Variants in APBA2 observed in about 807,000 individuals in gnomAD.
APBA2 encodes the protein amyloid beta precursor protein binding family A member 2.
A neutral mutation model predicts 75.0 loss-of-function variants in APBA2; 30 were observed. That is an observed-to-expected ratio of 0.40 (90% CI 0.30 to 0.54). APBA2 has a LOEUF of 0.54. APBA2 is among the 20% of genes least tolerant of loss of function. The pLI, the probability that APBA2 is intolerant of heterozygous loss-of-function variation, is 0.49. For missense variants in APBA2, 801 were observed against 1,016.1 expected, an observed-to-expected ratio of 0.79 and a Z score of 2.88; for synonymous variants, 444 against 409.6, an observed-to-expected ratio of 1.08 and a Z score of -1.01.
At chr15:29,101,838 G>A (rs749989991) in intron 10 of APBA2, 54 bp downstream of exon 10, 2 of 1,579,152 alleles carry the variant, frequency 1.3e-6, no homozygotes, top group Admixed American at 3.6e-5. Context: ...GCCCAGGGCG[G>A]CTCCAGGATC....
At position 28,899,802 on chromosome 15, in the gene APBA2, C is replaced by T. The variant is rs1031469347; in HGVS notation, c.-205+13524C>T. Among the ~76,000 whole-genome samples the T allele has an allele frequency of 3.9e-5, 6 of 151,964 alleles. No individual in the cohort carries two copies. The South Asian group carries it at 6.2e-4, about 16-fold the overall frequency. ...TCGTGGTCGCCTCTGTGTGTTGGAT[C>T]GGATAATAAAGTGAGGAATGTCTTT... On this transcript the variant is annotated intron_variant, in intron 1 of 14. Coordinates refer to ENST00000683413, the MANE Select transcript of APBA2 (RefSeq NM_001353788.2).
intron 2 of APBA2, among the ~76,000 whole-genome samples, chr15:28,964,488 ATTTT>A (rs34136396): frequency 2.9e-5 from 4 of 138,162 alleles, no homozygotes; most frequent in Admixed American, 1.4e-4. Flanking sequence ...ACTTTTGCTC[ATTTT>A]TTTTTTTTTT....
chr15:29,061,169 G>A (rs776253175), intron 4 of APBA2, among the ~76,000 whole-genome samples: 20 of 152,216 alleles, frequency 1.3e-4, no homozygotes, highest in Admixed American at 1.2e-3. Context: ...CCTCTGGGTG[G>A]CCTGTGGAAC....
intron 3 of APBA2, among the ~76,000 whole-genome samples, chr15:29,013,498 G>T (rs1054452788): frequency 7.9e-5 from 12 of 151,820 alleles, no homozygotes; most frequent in Non-Finnish European, 1.6e-4. Flanking sequence ...AGCCAAGATG[G>T]TCTTGATGTC....
At chr15:29,056,312 G>A (rs2041882554) in intron 4 of APBA2, among the ~76,000 whole-genome samples, 1 of 152,248 alleles carries the variant, frequency 6.6e-6, no homozygotes, top group South Asian at 2.1e-4. Context: ...GATAGTAGCT[G>A]TTTAAAAGGG....
intron 14 of APBA2, among the ~76,000 whole-genome samples, chr15:29,114,748 GTGTGTGGC>G (rs2044968212): frequency 6.7e-6 from 1 of 150,250 alleles, no homozygotes; most frequent in African/African-American, 2.5e-5. Flanking sequence ...ATGGGTGTGG[GTGTGTGGC>G]TGTGTGAATG....
At chr15:29,034,446 G>A (rs1268276225) in intron 3 of APBA2, among the ~76,000 whole-genome samples, 1 of 152,208 alleles carries the variant, frequency 6.6e-6, no homozygotes, top group East Asian at 1.9e-4. Context: ...CAGAAGGCCA[G>A]CCAAGTTCTT....
chr15:28,918,555 G>A lies in APBA2; in HGVS notation c.-204-3085G>A, dbSNP rs980244800. On this transcript the variant is annotated intron_variant, in intron 1 of 14. Transcript: ENST00000683413. The surrounding 1 kb of genome is among the most constrained non-coding windows in gnomAD (Gnocchi z 4.2). ...TCCCTTTGGTCGCCCCCTGGCGTCC[G>A]CGTCATTGTGGGAACACTCGGGCGG... Among the ~76,000 whole-genome samples the A allele has an allele frequency of 6.6e-6, 1 of 151,434 alleles. No individual in the cohort carries two copies. The highest frequency in any genetic ancestry group is 2.4e-5 in the African/African-American group (1 of 41,220).
intron 2 of APBA2, among the ~76,000 whole-genome samples, chr15:28,972,539 C>T (rs2037120730): frequency 6.6e-6 from 1 of 152,144 alleles, no homozygotes; most frequent in Non-Finnish European, 1.5e-5. Context: ...AGACTTATAA[C>T]AACAACAAAG....
intron 2 of APBA2, among the ~76,000 whole-genome samples, chr15:28,988,193 A>G (rs1566877661): frequency 6.6e-6 from 1 of 151,682 alleles, no homozygotes; most frequent in Admixed American, 6.6e-5. Flanking sequence ...AAGTATTTCT[A>G]TCCCTGTTAG....
rs377060964 is a variant in APBA2 at position 29,087,264 on chromosome 15, TA to T, written c.1070-5803del. ...TTTTCCCATTTTTGCCATTTTTTTT[TA>T]AAAAAAATTATTTATTATGCTTTTT... On this transcript the variant is annotated intron_variant, in intron 6 of 14. Transcript: ENST00000683413. 3.9e-4 allele frequency among the ~76,000 whole-genome samples: 60 copies of T among 151,912 alleles called. No homozygotes were observed. The South Asian group carries it at 5.4e-3, about 14-fold the overall frequency.
chr15:28,908,139 C>A (rs1435066703), intron 1 of APBA2, among the ~76,000 whole-genome samples: 1 of 152,106 alleles, frequency 6.6e-6, no homozygotes, highest in African/African-American at 2.4e-5. Context: ...GTGGTGTAGA[C>A]AGGCAGCCCT....
intron 10 of APBA2, chr15:29,102,183 C>T (rs772069351): frequency 1.3e-5 from 4 of 316,718 alleles, no homozygotes; most frequent in Non-Finnish European, 2.4e-5. Flanking sequence ...CTTAGTTCTG[C>T]CTTTGCGTGT....
chr15:28,969,180 C>CTGTCTTTCCTTCTTTCTTTCTTTCCT (rs2036925454), intron 2 of APBA2, among the ~76,000 whole-genome samples: 1 of 130,844 alleles, frequency 7.6e-6, no homozygotes, highest in South Asian at 2.9e-4. Context: ...TTCTTTCTTT[C>CTGTCTTTCCTTCTTTCTTTCTTTCCT]TTTTTTTTAT....
chr15:29,050,946 A>G (rs992369610), intron 3 of APBA2, among the ~76,000 whole-genome samples: 3 of 150,096 alleles, frequency 2.0e-5, no homozygotes, highest in African/African-American at 7.6e-5. Context: ...CTCATGTGCC[A>G]GTGATGTACC....
At chr15:29,052,172 G>A (rs1017568402) in intron 3 of APBA2, among the ~76,000 whole-genome samples, 24 of 152,024 alleles carry the variant, frequency 1.6e-4, no homozygotes, top group Non-Finnish European at 1.6e-4. Context: ...GAAGTAGAAC[G>A]TTGCTGGGCG....
chr15:29,077,320 C>A (rs1337887317), intron 6 of APBA2, among the ~76,000 whole-genome samples: 1 of 152,194 alleles, frequency 6.6e-6, no homozygotes, highest in East Asian at 1.9e-4. Context: ...CAGTACGTCA[C>A]TGTGCCATTT....
chr15:28,901,365 C>T (rs1363742134), intron 1 of APBA2, among the ~76,000 whole-genome samples: 5 of 152,020 alleles, frequency 3.3e-5, no homozygotes, highest in African/African-American at 7.2e-5. Context: ...TGGGAGCCAG[C>T]GTGGCACGGC....
In APBA2 at chr15:28,896,563, G is replaced by C. The variant is rs772884064; in HGVS notation, c.-205+10285G>C. ...CAAAGTGCTGGGATTACAGGCATGA[G>C]CCACCGCGCCTGGCCTCTTTCTTTA... On this transcript the variant is annotated intron_variant, in intron 1 of 14. Transcript: ENST00000683413. Among the ~76,000 whole-genome samples, 129 of 152,234 alleles carry C rather than the reference G, an allele frequency of 8.5e-4. 1 individual carries two copies. Among genetic ancestry groups the C allele is most frequent in the Non-Finnish European group, 1.6e-3 (108 of 68,032 alleles).
Sources: allele counts gnomAD v4.1 joint callset (sites outside exome capture counted in the v4.1 genomes callset), GRCh38; gene constraint gnomAD v4.1.1; non-coding constraint Gnocchi (gnomAD v3.1); transcripts MANE v1.5; gene names NCBI Gene and HGNC (gene_info 2026-07-23, HGNC 2026-07-21).